The following C9orf85 variants were observed in gnomAD, a reference collection of about 807,000 sequenced individuals.
The protein encoded by C9orf85 is uncharacterized protein C9orf85.
In C9orf85, 16 loss-of-function variants were observed where a neutral mutation model predicts 14.9. The observed-to-expected ratio is 1.08, with a 90% CI of 0.73 to 1.63. C9orf85 has a LOEUF of 1.63. C9orf85 is among the 40% of genes most tolerant of loss of function. The pLI is 0.00. For missense variants in C9orf85, 172 were observed against 186.1 expected, an observed-to-expected ratio of 0.92 and a Z score of 0.44; for synonymous variants, 45 against 56.8, an observed-to-expected ratio of 0.79 and a Z score of 0.93.
chr9:71,968,823 G>A (rs1230782621), intron 2 of C9orf85, among the ~76,000 whole-genome samples: 2 of 152,128 alleles, frequency 1.3e-5, no homozygotes, highest in South Asian at 2.1e-4. Context: ...CTGCTGTGTC[G>A]TTCCCCTATT....
At position 71,972,702 on chromosome 9, in the gene C9orf85, G is replaced by C. The variant is rs750957833; in HGVS notation, c.334G>C (p.Glu112Gln). The change falls in exon 4 of 4, where the codon GAA becomes CAA. Residue 112 changes from glutamate (E) to glutamine (Q), a missense_variant. Transcript: ENST00000334731. ...KEDIVIPLNK[E>Q]TEKIEHTENN... ...TTCTTTCATCTTTAGGTTGAATAAAGAAACAGAAAAAATAGAACATACTGA... is the reference window on the plus strand; with the variant it reads ...TTCTTTCATCTTTAGGTTGAATAAACAAACAGAAAAAATAGAACATACTGA... 1 of 1,576,028 alleles carries C rather than the reference G, an allele frequency of 6.3e-7. No homozygotes were observed. The highest frequency in any genetic ancestry group is 2.3e-5 in the East Asian group (1 of 44,422).
At chr9:71,931,800 G>C (rs1347822304) in intron 1 of C9orf85, among the ~76,000 whole-genome samples, 1 of 152,196 alleles carries the variant, frequency 6.6e-6, no homozygotes, top group Non-Finnish European at 1.5e-5. Context: ...AACCAGTGTT[G>C]TTTAAACTAT....
In C9orf85 at chr9:71,980,594, A is replaced by G. The variant is rs183821209; in HGVS notation, c.324-2063A>G. 7.9e-5 allele frequency among the ~76,000 whole-genome samples: 12 copies of G among 152,288 alleles called. No homozygotes were observed. In the East Asian group the frequency reaches 2.3e-3, roughly 29 times the overall value. ...ACTTCCCAACAGTGTACTGTACTCG[A>G]TATGTTTTCTGGCTAAGTACTCTAA... On this transcript the variant is annotated intron_variant, in intron 3 of 3. Transcript: ENST00000377031.
At chr9:71,986,000 A>G (rs772327965), downstream of C9orf85, 1 of 152,266 alleles carries the variant, frequency 6.6e-6, no homozygotes, top group Non-Finnish European at 1.5e-5. Context: ...AAGTGACAGA[A>G]AGAATAAAGA....
intron 1 of C9orf85, among the ~76,000 whole-genome samples, chr9:71,945,866 C>A (rs1822074529): frequency 6.6e-6 from 1 of 152,060 alleles, no homozygotes; most frequent in African/African-American, 2.4e-5. Flanking sequence ...CAACAATAGG[C>A]AAAGACCAAG....
In C9orf85 at chr9:71,926,230, A is replaced by G. The variant is rs145468440; in HGVS notation, c.102+14394A>G. Among the ~76,000 whole-genome samples the G allele has an allele frequency of 4.8e-3, 734 of 152,362 alleles. 6 individuals are homozygous for G. Among genetic ancestry groups the G allele is most frequent in the African/African-American group, 0.016 (686 of 41,584 alleles). ...TCTTTAATCACTAGCAGCACTGTCCATTAGACCTTTCTGTGATAGAAATAT... is the reference window on the plus strand; with the variant it reads ...TCTTTAATCACTAGCAGCACTGTCCGTTAGACCTTTCTGTGATAGAAATAT... On this transcript the variant is annotated intron_variant, in intron 1 of 3. Coordinates refer to ENST00000334731, the MANE Select transcript of C9orf85 (RefSeq NM_182505.5).
chr9:71,960,298 G>GT (rs1266503884), intron 2 of C9orf85, among the ~76,000 whole-genome samples: 1 of 152,104 alleles, frequency 6.6e-6, no homozygotes, highest in Non-Finnish European at 1.5e-5. Context: ...TATATGTCCT[G>GT]TTTTTTTGTT....
At chr9:71,977,497 C>T (rs1823026729), downstream of C9orf85, among the ~76,000 whole-genome samples, 1 of 152,086 alleles carries the variant, frequency 6.6e-6, no homozygotes. Context: ...ATATGTAAGA[C>T]CTAAATCTTA....
At chr9:71,958,270 T>G (rs1822429146) in intron 2 of C9orf85, among the ~76,000 whole-genome samples, 1 of 147,110 alleles carries the variant, frequency 6.8e-6, no homozygotes, top group African/African-American at 2.5e-5. Context: ...ATATAAATTT[T>G]TTTTTTTTTG....
chr9:71,939,414 A>T (rs899788665), intron 1 of C9orf85, among the ~76,000 whole-genome samples: 1 of 152,098 alleles, frequency 6.6e-6, no homozygotes, highest in East Asian at 1.9e-4. Context: ...AAATACTAGC[A>T]TATGGAATTC....
chr9:71,968,737 C>T (rs537347794), intron 2 of C9orf85, among the ~76,000 whole-genome samples: 13 of 152,076 alleles, frequency 8.5e-5, no homozygotes, highest in South Asian at 2.1e-4. Context: ...GTGTGTCTCG[C>T]GGATGGAGCA....
At chr9:71,973,497 A>G (rs997734270), downstream of C9orf85, 9 of 152,140 alleles carry the variant, frequency 5.9e-5, no homozygotes, top group South Asian at 2.1e-4. Context: ...AGTAAAAGCA[A>G]TTTTTTCCAA....
At chr9:71,951,973 T>C (rs908624933) in intron 2 of C9orf85, among the ~76,000 whole-genome samples, 2 of 152,200 alleles carry the variant, frequency 1.3e-5, no homozygotes, top group Non-Finnish European at 2.9e-5. Context: ...AAAGTCATTA[T>C]AGACATTTAT....
At chr9:71,961,393 T>G (rs763849118) in intron 2 of C9orf85, among the ~76,000 whole-genome samples, 3 of 151,968 alleles carry the variant, frequency 2.0e-5, no homozygotes, top group Non-Finnish European at 2.9e-5. Flanking sequence ...AAACCCTGTC[T>G]CTACTAAAAA....
intron 2 of C9orf85, among the ~76,000 whole-genome samples, chr9:71,963,823 C>A (rs1181029656): frequency 6.6e-6 from 1 of 152,208 alleles, no homozygotes; most frequent in Non-Finnish European, 1.5e-5. Flanking sequence ...GGCCTCCCAC[C>A]CCTCCCTGGA....
chr9:71,967,126 T>C (rs1001996643), intron 2 of C9orf85, among the ~76,000 whole-genome samples: 2 of 152,252 alleles, frequency 1.3e-5, no homozygotes, highest in African/African-American at 2.4e-5. Flanking sequence ...TTCTAGATCA[T>C]GGTTTTGTTG....
chr9:71,948,436 AT>A (rs1194642836), intron 2 of C9orf85, among the ~76,000 whole-genome samples: 5 of 151,516 alleles, frequency 3.3e-5, no homozygotes, highest in African/African-American at 1.2e-4. Flanking sequence ...AGCTTTTTAG[AT>A]TTTTTTTTCT....
intron 1 of C9orf85, among the ~76,000 whole-genome samples, chr9:71,944,477 C>G (rs920561251): frequency 3.3e-5 from 5 of 151,620 alleles, no homozygotes; most frequent in Non-Finnish European, 5.9e-5. Flanking sequence ...CCTTTATAGG[C>G]TTTTGTATTT....
downstream of C9orf85, among the ~76,000 whole-genome samples, chr9:71,977,431 GTTGT>G (rs1401657797): frequency 6.6e-6 from 1 of 152,120 alleles, no homozygotes; most frequent in African/African-American, 2.4e-5. Context: ...TATCAATTTG[GTTGT>G]TTGATTACAT....
Sources: gnomAD v4.1 joint callset for allele counts (sites outside exome capture counted in the v4.1 genomes callset) on GRCh38, gnomAD v4.1.1 for gene constraint, MANE v1.5 for transcripts, NCBI Gene and HGNC (gene_info 2026-07-23, HGNC 2026-07-21) for gene names.